Variants in TCHHL1 observed in about 807,000 individuals in gnomAD.
TCHHL1 encodes the protein trichohyalin like 1, also known as trichohyalin-like protein 1.
In TCHHL1, 1 loss-of-function variant was observed where a neutral mutation model predicts 3.5. The observed-to-expected ratio is 0.29, with a 90% CI of 0.10 to 1.36. TCHHL1 has a LOEUF of 1.36. TCHHL1 is among the 40% of genes most tolerant of loss of function. TCHHL1 has a pLI of 0.43. For synonymous variants in TCHHL1, 405 were observed against 375.3 expected, an observed-to-expected ratio of 1.08 and a Z score of -0.92; for missense variants, 1,027 against 1,032.8, an observed-to-expected ratio of 0.99 and a Z score of 0.08.
chr1:152,085,783 G>A lies in TCHHL1; in HGVS notation c.1899C>T (p.His633=), dbSNP rs761272378. The change falls in exon 3 of 3, where the codon CAC becomes CAT. Residue 633 remains histidine, a synonymous_variant. Coordinates refer to ENST00000368806, the MANE Select transcript of TCHHL1 (RefSeq NM_001008536.2). ...EDQEQPARGE[H]KNQGPGTKGP... is the part of the protein sequence containing the mutation. ...CTTTGGTCCCTGGGCCTTGATTCTT[G>A]TGTTCTCCTCTGGCAGGCTGTTCCT... The A allele has an allele frequency of 3.1e-6, 5 of 1,614,032 alleles. No homozygotes were observed. In the African/African-American group the frequency reaches 5.3e-5, roughly 17 times the overall value.
At position 152,084,922 on chromosome 1, in the gene TCHHL1, G is replaced by T; in HGVS notation, c.*45C>A. ...CTGAATGTGTACACGTGAGTATTGA[G>T]GGTGATTGGGAGAGAAATTGGGGGC... On this transcript the variant is annotated 3_prime_UTR_variant, in exon 3 of 3. Coordinates refer to ENST00000368806, the MANE Select transcript of TCHHL1 (RefSeq NM_001008536.2). 6.4e-7 allele frequency: 1 copy of T among 1,569,074 alleles called. No homozygotes were observed. The highest frequency in any genetic ancestry group is 8.7e-7 in the Non-Finnish European group (1 of 1,151,656).
chr1:152,084,261 AC>A lies in TCHHL1; in HGVS notation c.*705del, dbSNP rs567586227. 16 of 168,552 alleles carry A rather than the reference AC, an allele frequency of 9.5e-5. No individual in the cohort carries two copies. In the East Asian group the frequency reaches 3.1e-3, roughly 32 times the overall value. The allele number at this position is 168,552 out of a possible 1,614,324, so 10.4% of individuals were successfully genotyped here. Reference sequence around the variant, plus strand: ...AAGAGCTTCTTATAAAATCAAACATACTTTAGATTTGTGTTTTCTCTCATAA... The same window carrying A: ...AAGAGCTTCTTATAAAATCAAACATATTTAGATTTGTGTTTTCTCTCATAA... On this transcript the variant is annotated 3_prime_UTR_variant, in exon 3 of 3. Coordinates refer to ENST00000368806, the MANE Select transcript of TCHHL1 (RefSeq NM_001008536.2).
chr1:152,085,427 T>C lies in TCHHL1; in HGVS notation c.2255A>G (p.Gln752Arg), dbSNP rs201406272. ...GTCACCACCTTCTCCTGCCAGCTCT[T>C]GGGGACTTTCATCTTCCTCCTCTGA... The part of the protein sequence containing the change: ...VTSEEEDESP[Q>R]ELAGEGGDQK... The change falls in exon 3 of 3, where the codon CAA becomes CGA. Residue 752 changes from glutamine to arginine, a missense_variant. Physicochemically the swap from Gln to Arg is conservative, Grantham distance 43. Around this residue, in one of 3 missense-constraint regions of TCHHL1, gnomAD observed 673 missense variants for 658.6 expected, o/e 1.02. Transcript: ENST00000368806. 6.2e-7 allele frequency: 1 copy of C among 1,614,220 alleles called. No homozygotes were observed. The highest frequency in any genetic ancestry group is 1.3e-5 in the African/African-American group (1 of 75,058).
chr1:152,088,498 G>C (rs1657777294), intron 1 of TCHHL1, among the ~76,000 whole-genome samples: 1 of 152,166 alleles, frequency 6.6e-6, no homozygotes, highest in African/African-American at 2.4e-5. Flanking sequence ...AGCCAATAGA[G>C]TTGGACCCAT....
At chr1:152,088,248 C>T (rs1657772579) in intron 1 of TCHHL1, 85 bp from the exon 2 acceptor site, 1 of 1,207,666 alleles carries the variant, frequency 8.3e-7, no homozygotes, top group Non-Finnish European at 1.1e-6. Context: ...TGTTCCTCCC[C>T]CATCTCCACT....
At chr1:152,088,209 C>CA (rs1657772155) in intron 1 of TCHHL1, 46 bp from the exon 2 acceptor site, 1 of 1,479,030 alleles carries the variant, frequency 6.8e-7, no homozygotes, top group Admixed American at 2.4e-5. Flanking sequence ...ATGGGTCCTT[C>CA]AGGGAGGAGA....
intron 1 of TCHHL1, 117 bp from the exon 2 acceptor site, chr1:152,088,280 A>G (rs1657772967): frequency 2.4e-6 from 2 of 829,424 alleles, no homozygotes. Flanking sequence ...TCTATTCTGT[A>G]TCTTAAAATA....
rs1485419574 is a variant in TCHHL1, at chr1:152,086,329, T to G, written c.1353A>C (p.Gly451=). 6.2e-7 allele frequency: 1 copy of G among 1,614,242 alleles called. No homozygotes were observed. The change falls in exon 3 of 3, where the codon GGA becomes GGC. Residue 451 remains glycine, a synonymous_variant. Transcript: ENST00000368806. The stretch of plus-strand genomic sequence containing the variant: ...CAAGTTCAGGGTGAGTCTGATCTCC[T>G]CCTTCTGAGCTTAGATATTGTGTCT... ...GSETQYLSSE[G]GDQTHPELEG...
At position 152,086,320 on chromosome 1, in the gene TCHHL1, C is replaced by G. The variant is rs140636571; in HGVS notation, c.1362G>C (p.Gln454His). Reference sequence around the variant, plus strand: ...CTGTTCCTTCAAGTTCAGGGTGAGTCTGATCTCCTCCTTCTGAGCTTAGAT... The same window carrying G: ...CTGTTCCTTCAAGTTCAGGGTGAGTGTGATCTCCTCCTTCTGAGCTTAGAT... ...TQYLSSEGGD[Q>H]THPELEGTAV... is the part of the protein sequence containing the mutation. Residue 454 changes from glutamine (Q) to histidine (H), a missense_variant, in exon 3 of 3, where the codon CAG (glutamine) becomes CAC (histidine). By Grantham distance (24) the Gln-to-His change is conservative. Transcript: ENST00000368806. 2 of 1,614,090 alleles carry G rather than the reference C, an allele frequency of 1.2e-6. No homozygotes were observed. Among genetic ancestry groups the G allele is most frequent in the African/African-American group, 2.7e-5 (2 of 74,924 alleles).
In TCHHL1 at chr1:152,084,845, T is replaced by G; in HGVS notation, c.*122A>C. 1 of 1,135,610 alleles carries G rather than the reference T, an allele frequency of 8.8e-7. No homozygotes were observed. Among genetic ancestry groups the G allele is most frequent in the Non-Finnish European group, 1.3e-6 (1 of 798,964 alleles). The allele number at this position is 1,135,610 out of a possible 1,614,324, so 70.3% of individuals were successfully genotyped here. A position where few individuals can be genotyped will look rare whatever the true frequency, so the allele number is the denominator to read the frequency against. Reference sequence around the variant, plus strand: ...TCCCCCACTGCTGAATATTTTATTATTTGTTTTTGTAGAAATTTAGGAAGA... The same window carrying G: ...TCCCCCACTGCTGAATATTTTATTAGTTGTTTTTGTAGAAATTTAGGAAGA... On this transcript the variant is annotated 3_prime_UTR_variant, in exon 3 of 3. Transcript: ENST00000368806.
chr1:152,085,408 A>G lies in TCHHL1; in HGVS notation c.2274T>C (p.Gly758=), dbSNP rs1393147628. The change falls in exon 3 of 3, where the codon GGT becomes GGC. Residue 758 remains glycine, a synonymous_variant. Coordinates refer to ENST00000368806, the MANE Select transcript of TCHHL1 (RefSeq NM_001008536.2). ...TCTTGGCTGGACTTTTTTGGTCACCACCTTCTCCTGCCAGCTCTTGGGGAC... is the reference window on the plus strand; with the variant it reads ...TCTTGGCTGGACTTTTTTGGTCACCGCCTTCTCCTGCCAGCTCTTGGGGAC... ...DESPQELAGE[G]GDQKSPAKKE... 1.2e-6 allele frequency: 2 copies of G among 1,613,988 alleles called. No homozygotes were observed.
In TCHHL1 at chr1:152,085,130, T is replaced by A. The variant is rs781043402; in HGVS notation, c.2552A>T (p.Asn851Ile). The change falls in exon 3 of 3, where the codon AAC becomes ATC. Residue 851 changes from asparagine (N) to isoleucine (I), a missense_variant. Coordinates refer to ENST00000368806, the MANE Select transcript of TCHHL1 (RefSeq NM_001008536.2). ...ATATGGTTGTGATGCTTGGCTGTAG[T>A]TGAAAAAGACAGAACAATCTGAGAT... ...SEISDCSVFF[N>I]YSQASQPYTR... is the part of the protein sequence containing the mutation. 1 of 1,614,090 alleles carries A rather than the reference T, an allele frequency of 6.2e-7. No homozygotes were observed. The highest frequency in any genetic ancestry group is 8.5e-7 in the Non-Finnish European group (1 of 1,180,022).
Position 152,087,383 on chromosome 1 carries a change from G to T in TCHHL1, c.299C>A (p.Thr100Asn). 1 of 1,613,472 alleles carries T rather than the reference G, an allele frequency of 6.2e-7. No individual in the cohort carries two copies. The highest frequency in any genetic ancestry group is 8.5e-7 in the Non-Finnish European group (1 of 1,180,014). ...ATCTAGCTTCTCCTTCTCTGGTTTA[G>T]TCACCTGTCTTAGTTCAGAACTTAG... ...SLLSSELRQV[T>N]KPEKEKLDDV... Residue 100 changes from threonine (T) to asparagine (N), a missense_variant, in exon 3 of 3, where the codon ACT becomes AAT. Around this residue, in one of 3 missense-constraint regions of TCHHL1, gnomAD observed 338 missense variants for 335.9 expected, o/e 1.01. Transcript: ENST00000368806.
chr1:152,088,468 G>A (rs1192294625), intron 1 of TCHHL1, among the ~76,000 whole-genome samples: 1 of 152,146 alleles, frequency 6.6e-6, no homozygotes, highest in East Asian at 1.9e-4. Flanking sequence ...TCAAGCATAA[G>A]GATTGAAATG....
chr1:152,088,566 G>C (rs1657778390), intron 1 of TCHHL1, among the ~76,000 whole-genome samples: 1 of 152,130 alleles, frequency 6.6e-6, no homozygotes. Context: ...GCTCAGTCTA[G>C]CCTCCTGCGG....
In TCHHL1 at chr1:152,085,882, A is replaced by G. The variant is rs1341466423; in HGVS notation, c.1800T>C (p.Pro600=). 7 of 1,614,006 alleles carry G rather than the reference A, an allele frequency of 4.3e-6. No individual in the cohort carries two copies. Among genetic ancestry groups the G allele is most frequent in the Non-Finnish European group, 5.9e-6 (7 of 1,180,022 alleles). The change falls in exon 3 of 3, where the codon CCT becomes CCC. Residue 600 remains proline, a synonymous_variant. Coordinates refer to ENST00000368806, the MANE Select transcript of TCHHL1 (RefSeq NM_001008536.2). ...CCTCCAGAGCTCTGTTTTTCTCACCAGGTGTTCCCTGCCTCTGGGTATCTG... is the reference window on the plus strand; with the variant it reads ...CCTCCAGAGCTCTGTTTTTCTCACCGGGTGTTCCCTGCCTCTGGGTATCTG... ...NNPDTQRQGT[P]GEKNRALEAV...
chr1:152,084,776 T>G lies in TCHHL1; in HGVS notation c.*191A>C, dbSNP rs1657684233. The G allele has an allele frequency of 1.6e-6, 1 of 614,786 alleles. No homozygotes were observed. Among genetic ancestry groups the G allele is most frequent in the South Asian group, 2.5e-5 (1 of 39,406 alleles). 38.1% of individuals were successfully genotyped at this position (614,786 alleles called of 1,614,324 possible). On this transcript the variant is annotated 3_prime_UTR_variant, in exon 3 of 3. Transcript: ENST00000368806. ...TGGAAGTAGCATTGTTTGGTAGGAG[T>G]TTTACTGACTGTATTTGTTTGCTCA... is the stretch of plus-strand genomic sequence containing the variant.
In TCHHL1 at chr1:152,086,414, T is replaced by A; in HGVS notation, c.1268A>T (p.Asp423Val). 1 of 1,614,196 alleles carries A rather than the reference T, an allele frequency of 6.2e-7. No homozygotes were observed. The highest frequency in any genetic ancestry group is 8.5e-7 in the Non-Finnish European group (1 of 1,180,028). Residue 423 changes from aspartate (D) to valine (V), a missense_variant, in exon 3 of 3, where the codon GAT becomes GTT. This residue lies in a region of TCHHL1 where 673 missense variants were observed against 658.6 expected (regional missense o/e 1.02). Transcript: ENST00000368806. ...TCCTTGGAGTTCCTGATACTTCCCATCCTGTGTTTGGGTTTCCAGGACTAG... is the reference window on the plus strand; with the variant it reads ...TCCTTGGAGTTCCTGATACTTCCCAACCTGTGTTTGGGTTTCCAGGACTAG... ...RPLVLETQTQ[D>V]GKYQELQGLS...
chr1:152,088,440 G>A (rs1040646502), intron 1 of TCHHL1, among the ~76,000 whole-genome samples: 1 of 152,168 alleles, frequency 6.6e-6, no homozygotes, highest in Non-Finnish European at 1.5e-5. Flanking sequence ...CATTGCAAAA[G>A]GAAGGTGATA....
Sources: gnomAD v4.1 joint callset for allele counts (sites outside exome capture counted in the v4.1 genomes callset) on GRCh38, gnomAD v4.1.1 for gene constraint, gnomAD v4.1.1 regional missense constraint, MANE v1.5 for transcripts, NCBI Gene and HGNC (gene_info 2026-07-23, HGNC 2026-07-21) for gene names.